PLEKHA6: variants seen among roughly 807,000 people sequenced by gnomAD.
PLEKHA6 encodes the protein pleckstrin homology domain containing A6.
A neutral mutation model predicts 116.7 loss-of-function variants in PLEKHA6; 60 were observed. That is an observed-to-expected ratio of 0.51 (90% CI 0.42 to 0.64). The LOEUF (loss-of-function observed/expected upper bound fraction) is 0.64. Among genes scored for constraint, PLEKHA6 ranks in the 30% least tolerant of loss-of-function variants. The probability of loss-of-function intolerance (pLI) is 0.00; values close to 1 mark genes in which losing one functional copy is unlikely to be tolerated. For synonymous variants in PLEKHA6, 489 were observed against 556.1 expected (o/e 0.88, Z 1.70); for missense variants, 1,338 against 1,422.7 (o/e 0.94, Z 0.96).
chr1:204,298,869 T>G (rs900733033), intron 1 of PLEKHA6, among the ~76,000 whole-genome samples: 1 of 152,222 alleles, frequency 6.6e-6, no homozygotes, highest in African/African-American at 2.4e-5. Context: ...GGCAATTCTA[T>G]TGGTGATGTG....
intron 1 of PLEKHA6, chr1:204,313,699 T>C: frequency 1.0e-6 from 1 of 985,338 alleles, no homozygotes; most frequent in Non-Finnish European, 1.2e-6. Context: ...TCACCTGACA[T>C]TCTGCAGCTA....
In PLEKHA6 at chr1:204,259,532, G is replaced by T; in HGVS notation, c.733C>A (p.Pro245Thr). The stretch of plus-strand genomic sequence containing the variant: ...TAAGGGCTGCCCGGCTCTGAGGCTG[G>T]CTCCGGTCCAGCTGGGAGGCCATTG... Reference protein sequence around the residue: ...KANGLPAGPEPASEPGSPYPE... With the variant: ...KANGLPAGPETASEPGSPYPE... Residue 245 changes from proline (P) to threonine (T), a missense_variant, in exon 8 of 23, where the codon CCA becomes ACA. This residue lies in a region of PLEKHA6 where 1,136 missense variants were observed against 1,163.6 expected (regional missense o/e 0.98). Coordinates refer to ENST00000272203, the MANE Select transcript of PLEKHA6 (RefSeq NM_014935.5). This position sits in a 1 kb window ranked among gnomAD's most constrained non-coding sequence, Gnocchi z 4.6. The T allele has an allele frequency of 6.2e-7, 1 of 1,614,068 alleles. No homozygotes were observed. Among genetic ancestry groups the T allele is most frequent in the Non-Finnish European group, 8.5e-7 (1 of 1,180,010 alleles).
chr1:204,275,659 G>A (rs1445174103), intron 1 of PLEKHA6: 2 of 978,370 alleles, frequency 2.0e-6, no homozygotes, highest in Non-Finnish European at 2.4e-6. Flanking sequence ...GAGGCTCTCA[G>A]GGGAGATGGG....
At chr1:204,328,870 T>C (rs1350642493) in intron 1 of PLEKHA6, among the ~76,000 whole-genome samples, 3 of 152,252 alleles carry the variant, frequency 2.0e-5, no homozygotes, top group Non-Finnish European at 4.4e-5. Context: ...TCACTTAATA[T>C]TCATAACAAC....
chr1:204,293,044 G>A (rs1054133816), intron 1 of PLEKHA6, among the ~76,000 whole-genome samples: 1 of 152,162 alleles, frequency 6.6e-6, no homozygotes, highest in East Asian at 1.9e-4. Flanking sequence ...TTGTTCTGAG[G>A]GTGGGATGAC....
chr1:204,244,277 G>A (rs891086848), intron 15 of PLEKHA6, among the ~76,000 whole-genome samples: 5 of 150,848 alleles, frequency 3.3e-5, no homozygotes, highest in African/African-American at 4.9e-5. Flanking sequence ...GACTACAGGC[G>A]CGCGCCACCA....
intron 9 of PLEKHA6, among the ~76,000 whole-genome samples, chr1:204,251,067 G>T (rs146720229): frequency 6.6e-6 from 1 of 152,200 alleles, no homozygotes; most frequent in Admixed American, 6.5e-5. Flanking sequence ...ACCTGGGCTT[G>T]TGTCTAAACA....
chr1:204,309,100 T>C (rs4951063), intron 1 of PLEKHA6: 429,229 of 952,558 alleles, frequency 0.45, 98,645 homozygotes, highest in Middle Eastern at 0.49. Flanking sequence ...TAGTTTACTT[T>C]GTACAGTGCT....
intron 1 of PLEKHA6, among the ~76,000 whole-genome samples, chr1:204,295,150 C>A (rs1670146164): frequency 6.6e-6 from 1 of 152,136 alleles, no homozygotes; most frequent in Non-Finnish European, 1.5e-5. Flanking sequence ...TGAAAGCAGT[C>A]CATTCTAAGG....
intron 15 of PLEKHA6, among the ~76,000 whole-genome samples, chr1:204,244,365 T>C (rs927272005): frequency 2.0e-5 from 3 of 151,398 alleles, no homozygotes; most frequent in African/African-American, 7.3e-5. Context: ...ACAGTCTCTA[T>C]ATCCTGACCT....
chr1:204,273,041 G>C (rs1020442437), intron 3 of PLEKHA6, among the ~76,000 whole-genome samples: 1 of 152,082 alleles, frequency 6.6e-6, no homozygotes. Context: ...GGTCCCCTGT[G>C]ACCACATTGC....
intron 1 of PLEKHA6, among the ~76,000 whole-genome samples, chr1:204,290,709 G>A (rs1037961217): frequency 1.1e-4 from 16 of 152,126 alleles, no homozygotes; most frequent in African/African-American, 3.9e-4. Context: ...ACTATTACAG[G>A]CCAGGCGCAG....
chr1:204,351,177 G>A (rs1483280792), intron 1 of PLEKHA6, among the ~76,000 whole-genome samples: 2 of 151,956 alleles, frequency 1.3e-5, no homozygotes, highest in Non-Finnish European at 2.9e-5. Flanking sequence ...GGCAGGACTG[G>A]CCCAGGCAGG....
In PLEKHA6 at chr1:204,259,004, G is replaced by A. The variant is rs2102754205; in HGVS notation, c.1007+254C>T. On this transcript the variant is annotated intron_variant, in intron 8 of 22. Coordinates refer to ENST00000272203, the MANE Select transcript of PLEKHA6 (RefSeq NM_014935.5). This position sits in a 1 kb window ranked among gnomAD's most constrained non-coding sequence, Gnocchi z 4.6. ...CCCAGCACGCCGTGGAGAGGCACTG[G>A]GGCACTCTGTCCCTTCTTCTGAAGG... Among the ~76,000 whole-genome samples the A allele has an allele frequency of 6.6e-6, 1 of 152,284 alleles. No homozygotes were observed. The highest frequency in any genetic ancestry group is 1.9e-4 in the East Asian group (1 of 5,174).
chr1:204,256,212 G>T (rs181568630), intron 9 of PLEKHA6, among the ~76,000 whole-genome samples: 1 of 152,160 alleles, frequency 6.6e-6, no homozygotes, highest in East Asian at 1.9e-4. Context: ...GATTCTGCCT[G>T]TTGGTCCCAG....
At chr1:204,306,321 G>A (rs1200191101) in intron 1 of PLEKHA6, among the ~76,000 whole-genome samples, 2 of 152,162 alleles carry the variant, frequency 1.3e-5, no homozygotes, top group Non-Finnish European at 2.9e-5. Context: ...GTACAAGGCA[G>A]TTCTCTGATC....
chr1:204,342,891 TTTATTTTAG>T (rs1183083246), intron 1 of PLEKHA6, among the ~76,000 whole-genome samples: 4 of 152,042 alleles, frequency 2.6e-5, no homozygotes, highest in African/African-American at 9.7e-5. Context: ...GGGAGGGAAT[TTTATTTTAG>T]CCCCGTGTGG....
chr1:204,245,523 T>A (rs1432554419), intron 14 of PLEKHA6, 92 bp downstream of exon 14: 2 of 769,502 alleles, frequency 2.6e-6, no homozygotes, highest in African/African-American at 3.4e-5. Context: ...CTGAACACAG[T>A]GTGAGCTGGC....
intron 21 of PLEKHA6, among the ~76,000 whole-genome samples, chr1:204,226,882 A>G (rs1353364980): frequency 6.6e-6 from 1 of 152,222 alleles, no homozygotes; most frequent in Non-Finnish European, 1.5e-5. Context: ...TACTACTACC[A>G]GCAACACAGC....
Sources: gnomAD v4.1 joint callset for allele counts (sites outside exome capture counted in the v4.1 genomes callset) on GRCh38, gnomAD v4.1.1 for gene constraint, gnomAD v4.1.1 regional missense constraint, Gnocchi (gnomAD v3.1) non-coding constraint, MANE v1.5 for transcripts, NCBI Gene and HGNC (gene_info 2026-07-23, HGNC 2026-07-21) for gene names.